The following SLC23A2 variants were observed in gnomAD, a reference collection of about 807,000 sequenced individuals.
The protein encoded by SLC23A2 is solute carrier family 23 member 2, also known as Na(+)/L-ascorbic acid transporter 2.
Under a neutral mutation model 73.3 loss-of-function variants are expected in SLC23A2, and 36 were observed. The observed-to-expected ratio is 0.49, with a 90% CI of 0.38 to 0.65. The LOEUF (loss-of-function observed/expected upper bound fraction) is 0.65, where lower values mean the gene tolerates loss of function less well. SLC23A2 is among the 30% of genes least tolerant of loss of function. The pLI is 0.00. For missense variants in SLC23A2, 507 were observed against 841.6 expected (o/e 0.60, Z 4.92); for synonymous variants, 343 against 327.3 (o/e 1.05, Z -0.52).
Position 4,889,720 on chromosome 20 carries a change from G to A in SLC23A2, c.483-3811C>T, listed in dbSNP as rs142636166. Among the ~76,000 whole-genome samples the A allele has an allele frequency of 4.0e-5, 6 of 151,862 alleles. No homozygotes were observed. The East Asian group carries it at 9.7e-4, about 25-fold the overall frequency. ...GTCCTGCCCATCTCAACCTTGAGGC[G>A]GGCATCCCCCGATACTAGGAAGTGG... is the stretch of plus-strand genomic sequence containing the variant. On this transcript the variant is annotated intron_variant, in intron 6 of 16. Transcript: ENST00000338244.
chr20:4,976,341 T>C (rs1327385143), intron 1 of SLC23A2, among the ~76,000 whole-genome samples: 4 of 152,148 alleles, frequency 2.6e-5, no homozygotes, highest in Non-Finnish European at 5.9e-5. Context: ...TAAGTCATAC[T>C]AGTATCTTTT....
rs531135480 is a variant in SLC23A2 at position 5,001,130 on chromosome 20, A to C, written c.-282+276T>G. 7.7e-3 allele frequency among the ~76,000 whole-genome samples: 1,166 copies of C among 151,644 alleles called. 11 individuals carry two copies. Among genetic ancestry groups the C allele is most frequent in the African/African-American group, 0.026 (1,068 of 41,440 alleles). Reference sequence around the variant, plus strand: ...AGCGCGCTGTGGCTCCCGTGGCGGGAAGGGGTGGGTACCCCGGGGGCCCGG... The same window carrying C: ...AGCGCGCTGTGGCTCCCGTGGCGGGCAGGGGTGGGTACCCCGGGGGCCCGG... On this transcript the variant is annotated intron_variant, in intron 1 of 16. Transcript: ENST00000338244.
At chr20:4,977,108 C>T (rs1321447837) in intron 1 of SLC23A2, among the ~76,000 whole-genome samples, 3 of 152,128 alleles carry the variant, frequency 2.0e-5, no homozygotes, top group Admixed American at 6.5e-5. Context: ...GAATAAATTA[C>T]GATAGCAAAA....
At chr20:4,869,329 C>CA (rs1421843627) in intron 12 of SLC23A2, among the ~76,000 whole-genome samples, 44 of 80,024 alleles carry the variant, frequency 5.5e-4, no homozygotes, top group Middle Eastern at 7.7e-3. Flanking sequence ...TAAAAACAAA[C>CA]AAACAAAAAA....
rs1932802537 is a variant in SLC23A2 at position 4,932,668 on chromosome 20, C to T, written c.-106G>A. On this transcript the variant is annotated 5_prime_UTR_variant, in exon 3 of 17. Coordinates refer to ENST00000338244, the MANE Select transcript of SLC23A2 (RefSeq NM_005116.6). ...AGCCGGCTCTTCTAGTGCCTGGAGC[C>T]CCCGATTCTCAAGCAGAGATGAGGC... 2 of 696,660 alleles carry T rather than the reference C, an allele frequency of 2.9e-6. No homozygotes were observed. The highest frequency in any genetic ancestry group is 2.6e-5 in the East Asian group (1 of 38,852). The allele number at this position is 696,660 out of a possible 1,614,324, so 43.2% of individuals were successfully genotyped here. A position where few individuals can be genotyped will look rare whatever the true frequency, so the allele number is the denominator to read the frequency against.
At chr20:4,922,920 G>A (rs1052601171) in intron 3 of SLC23A2, among the ~76,000 whole-genome samples, 24 of 151,864 alleles carry the variant, frequency 1.6e-4, no homozygotes, top group African/African-American at 5.6e-4. Context: ...GTAAGAGACT[G>A]TAGCAAGAAC....
At chr20:4,964,508 G>C (rs1027626830) in intron 2 of SLC23A2, among the ~76,000 whole-genome samples, 2 of 152,140 alleles carry the variant, frequency 1.3e-5, no homozygotes, top group African/African-American at 2.4e-5. Flanking sequence ...TAGAGGACTG[G>C]TTGGTACAAT....
intron 7 of SLC23A2, 108 bp downstream of exon 7, chr20:4,885,713 C>T: frequency 1.3e-6 from 1 of 775,180 alleles, no homozygotes; most frequent in Non-Finnish European, 2.3e-6. Flanking sequence ...TGTGCTTTGT[C>T]CCTAATTCTT....
rs996401110 is a variant in SLC23A2 at position 4,857,152 on chromosome 20, C to G, written c.1773G>C (p.Gly591=). Residue 591 remains glycine, a synonymous_variant, in exon 17 of 17, where the codon GGG becomes GGC. Transcript: ENST00000338244. This position sits in a 1 kb window ranked among gnomAD's most constrained non-coding sequence, Gnocchi z 4.0. ...ACTCCATGCCGTCGAGTGATTTGTT[C>G]CCTTTGCCCACACCCTTCTTCCATT... ...IRKWKKGVGK[G]NKSLDGMESY... is the part of the protein sequence containing the mutation. The G allele has an allele frequency of 3.0e-5, 49 of 1,613,672 alleles. No homozygotes were observed. Among genetic ancestry groups the G allele is most frequent in the Non-Finnish European group, 4.2e-5 (49 of 1,179,626 alleles).
chr20:4,919,771 C>T (rs1932443648), intron 3 of SLC23A2, among the ~76,000 whole-genome samples: 1 of 152,184 alleles, frequency 6.6e-6, no homozygotes, highest in African/African-American at 2.4e-5. Context: ...CAAAACGGAC[C>T]GTCCTCTCCC....
rs1032657259 is a variant in SLC23A2 at position 4,862,203 on chromosome 20, A to C, written c.1487-118T>G. 4 of 1,021,502 alleles carry C rather than the reference A, an allele frequency of 3.9e-6. No homozygotes were observed. The highest frequency in any genetic ancestry group is 5.8e-6 in the Non-Finnish European group (4 of 685,640). 63.3% of individuals were successfully genotyped at this position (1,021,502 alleles called of 1,614,324 possible). On this transcript the variant is annotated intron_variant, in intron 14 of 16. Transcript: ENST00000338244. The surrounding 1 kb of genome is among the most constrained non-coding windows in gnomAD (Gnocchi z 5.1). ...CTGTCCAACAGAAACCAATGAGACC[A>C]GTGCAGGGACAGGAAGGGGGACGTG...
intron 6 of SLC23A2, among the ~76,000 whole-genome samples, chr20:4,897,191 G>T (rs1931566206): frequency 6.6e-6 from 1 of 152,146 alleles, no homozygotes; most frequent in Non-Finnish European, 1.5e-5. Flanking sequence ...CTTTGCCCAG[G>T]TTAAGAGAAC....
chr20:4,905,072 C>A (rs1389284677), intron 4 of SLC23A2, among the ~76,000 whole-genome samples: 1 of 144,808 alleles, frequency 6.9e-6, no homozygotes, highest in Admixed American at 7.1e-5. Flanking sequence ...CAAGATCACA[C>A]CACTGCACTC....
Position 4,884,771 on chromosome 20 carries a change from C to G in SLC23A2, c.624G>C (p.Trp208Cys). The G allele has an allele frequency of 6.2e-7, 1 of 1,608,726 alleles. No individual in the cohort carries two copies. The highest frequency in any genetic ancestry group is 1.3e-5 in the African/African-American group (1 of 74,610). ...CTTTTACCTCTCGGATCCGGGGATA[C>G]CAGATGTGTTCTGTGTGCAACAGCT... ...TAELLHTEHI[W>C]YPRIREIQGA... The change falls in exon 8 of 17, where the codon TGG (tryptophan) becomes TGC (cysteine). Residue 208 changes from tryptophan to cysteine, a missense_variant. This residue lies in a region of SLC23A2 where 217 missense variants were observed against 398.0 expected (regional missense o/e 0.55). Transcript: ENST00000338244.
Position 4,857,295 on chromosome 20 carries a change from C to CAG in SLC23A2, c.1721-92_1721-91insCT. 1 of 360,610 alleles carries CAG rather than the reference C, an allele frequency of 2.8e-6. No individual in the cohort carries two copies. The highest frequency in any genetic ancestry group is 4.9e-6 in the Non-Finnish European group (1 of 205,086). The allele number at this position is 360,610 out of a possible 1,614,324, so 22.3% of individuals were successfully genotyped here. Reference sequence around the variant, plus strand: ...GTCGTCAAACACATACACACACACACACACACACACACACACACACACACA... The same window carrying CAG: ...GTCGTCAAACACATACACACACACACAGACACACACACACACACACACACACA... On this transcript the variant is annotated intron_variant, in intron 16 of 16. Coordinates refer to ENST00000338244, the MANE Select transcript of SLC23A2 (RefSeq NM_005116.6). This position sits in a 1 kb window ranked among gnomAD's most constrained non-coding sequence, Gnocchi z 4.0.
chr20:4,999,310 G>A (rs2088077526), intron 1 of SLC23A2, among the ~76,000 whole-genome samples: 2 of 152,064 alleles, frequency 1.3e-5, no homozygotes, highest in African/African-American at 2.4e-5. Context: ...ATTCAACAAC[G>A]ATCTGTTCAA....
At chr20:4,983,469 AC>A (rs1301187281) in intron 1 of SLC23A2, among the ~76,000 whole-genome samples, 2 of 145,708 alleles carry the variant, frequency 1.4e-5, no homozygotes, top group South Asian at 2.1e-4. Flanking sequence ...ACACGGTGAA[AC>A]CCCGTCTCTA....
At chr20:4,984,917 T>A (rs1385654879) in intron 1 of SLC23A2, among the ~76,000 whole-genome samples, 3 of 152,076 alleles carry the variant, frequency 2.0e-5, no homozygotes, top group African/African-American at 7.2e-5. Context: ...TGCGGGCGGA[T>A]CATGAGGTCA....
chr20:4,854,871 G>A lies in SLC23A2; in HGVS notation c.*2101C>T, dbSNP rs1351918799. On this transcript the variant is annotated 3_prime_UTR_variant, in exon 17 of 17. Transcript: ENST00000338244. ...GTCTTTCTGCTCACCTGGAGAGCTA[G>A]AAGATTGCAAATCTCTGGGATGTTT... The A allele has an allele frequency of 6.6e-6, 1 of 152,242 alleles. No individual in the cohort carries two copies. The highest frequency in any genetic ancestry group is 1.5e-5 in the Non-Finnish European group (1 of 68,040). 9.4% of individuals were successfully genotyped at this position (152,242 alleles called of 1,614,324 possible).
Sources: allele counts gnomAD v4.1 joint callset (sites outside exome capture counted in the v4.1 genomes callset), GRCh38; gene constraint gnomAD v4.1.1; regional missense constraint gnomAD v4.1.1; non-coding constraint Gnocchi (gnomAD v3.1); transcripts MANE v1.5; gene names NCBI Gene and HGNC (gene_info 2026-07-23, HGNC 2026-07-21).